Variants in ARL8A observed in about 807,000 individuals in gnomAD.
ARL8A encodes ARF like GTPase 8A.
In ARL8A, 10 loss-of-function variants were observed where a neutral mutation model predicts 31.2. The observed-to-expected ratio is 0.32, with a 90% CI of 0.20 to 0.54. ARL8A has a LOEUF of 0.54. ARL8A is among the 20% of genes least tolerant of loss of function. ARL8A has a pLI of 0.93. For missense variants in ARL8A, 129 were observed against 242.8 expected, an observed-to-expected ratio of 0.53 and a Z score of 3.12; for synonymous variants, 70 against 86.9, an observed-to-expected ratio of 0.81 and a Z score of 1.08.
rs950293480 is a variant in ARL8A at position 202,134,631 on chromosome 1, G to A, written c.512-115C>T. The A allele has an allele frequency of 3.2e-5, 30 of 944,350 alleles. No homozygotes were observed. The highest frequency in any genetic ancestry group is 3.3e-5 in the African/African-American group (2 of 61,528). 58.5% of individuals were successfully genotyped at this position (944,350 alleles called of 1,614,324 possible). A position where few individuals can be genotyped will look rare whatever the true frequency, so the allele number is the denominator to read the frequency against. ...TATCAGAAGTCCAGAGATGCCAGGA[G>A]GGGTGGCGCACACCTGGAGTCTCAG... On this transcript the variant is annotated intron_variant, in intron 6 of 6. Coordinates refer to ENST00000272217, the MANE Select transcript of ARL8A (RefSeq NM_138795.4). This position sits in a 1 kb window ranked among gnomAD's most constrained non-coding sequence, Gnocchi z 4.2.
intron 3 of ARL8A, among the ~76,000 whole-genome samples, chr1:202,137,431 C>T (rs530704343): frequency 1.5e-4 from 23 of 152,220 alleles, no homozygotes; most frequent in African/African-American, 5.5e-4. Flanking sequence ...AGTTCAAGAC[C>T]AGCCTAACCA....
intron 1 of ARL8A, among the ~76,000 whole-genome samples, chr1:202,141,583 A>C (rs571292065): frequency 2.2e-4 from 34 of 151,656 alleles, no homozygotes; most frequent in Admixed American, 2.2e-3. Context: ...CGGAGGTTGC[A>C]GTGAGCCGAG....
chr1:202,140,618 T>C (rs1176295728), intron 1 of ARL8A, among the ~76,000 whole-genome samples: 1 of 152,220 alleles, frequency 6.6e-6, no homozygotes, highest in Non-Finnish European at 1.5e-5. Flanking sequence ...TCTGTGTGTG[T>C]GCAAAGTTTT....
chr1:202,137,215 A>T (rs1245547126), intron 3 of ARL8A, among the ~76,000 whole-genome samples: 1 of 151,916 alleles, frequency 6.6e-6, no homozygotes, highest in African/African-American at 2.4e-5. Context: ...TAAAGACAGG[A>T]TCTTGCTATG....
chr1:202,143,806 G>T (rs776216448), intron 1 of ARL8A, among the ~76,000 whole-genome samples: 12 of 152,184 alleles, frequency 7.9e-5, no homozygotes, highest in Non-Finnish European at 8.8e-5. Context: ...CCAAACTCCC[G>T]TTACCATGCG....
chr1:202,138,585 T>C lies in ARL8A; in HGVS notation c.124-137A>G. 1 of 784,124 alleles carries C rather than the reference T, an allele frequency of 1.3e-6. No homozygotes were observed. Among genetic ancestry groups the C allele is most frequent in the Non-Finnish European group, 2.1e-6 (1 of 480,894 alleles). 48.6% of individuals were successfully genotyped at this position (784,124 alleles called of 1,614,324 possible). A position where few individuals can be genotyped will look rare whatever the true frequency, so the allele number is the denominator to read the frequency against. On this transcript the variant is annotated intron_variant, in intron 1 of 6. Transcript: ENST00000272217. This position sits in a 1 kb window ranked among gnomAD's most constrained non-coding sequence, Gnocchi z 4.4. The stretch of plus-strand genomic sequence containing the variant: ...CACTGTGGGGTACTCTTGCACATCC[T>C]GTGCTTTCAGGCAGGATGGGCTATC...
At chr1:202,140,234 G>C (rs1159509749) in intron 1 of ARL8A, among the ~76,000 whole-genome samples, 1 of 151,064 alleles carries the variant, frequency 6.6e-6, no homozygotes, top group African/African-American at 2.4e-5. Context: ...GGTTCAAGCA[G>C]TTCTCCTGCC....
chr1:202,135,184 G>A lies in ARL8A; in HGVS notation c.477C>T (p.Cys159=). ...LSAIQDREIC[C]YSISCKEKDN... ...CCTTTTCTTTGCAAGAGATGGAGTAGCAGCAGATCTCTCGGTCCTGGATGG... is the reference window on the plus strand; with the variant it reads ...CCTTTTCTTTGCAAGAGATGGAGTAACAGCAGATCTCTCGGTCCTGGATGG... The change falls in exon 6 of 7, where the codon TGC becomes TGT. Residue 159 remains cysteine, a synonymous_variant. Coordinates refer to ENST00000272217, the MANE Select transcript of ARL8A (RefSeq NM_138795.4). This position sits in a 1 kb window ranked among gnomAD's most constrained non-coding sequence, Gnocchi z 5.3. 6.2e-7 allele frequency: 1 copy of A among 1,614,114 alleles called. No homozygotes were observed. The highest frequency in any genetic ancestry group is 8.5e-7 in the Non-Finnish European group (1 of 1,179,986).
At position 202,144,408 on chromosome 1, in the gene ARL8A, C is replaced by A; in HGVS notation, c.123+42G>T. 7 of 1,300,876 alleles carry A rather than the reference C, an allele frequency of 5.4e-6. No individual in the cohort carries two copies. Among genetic ancestry groups the A allele is most frequent in the Non-Finnish European group, 7.0e-6 (7 of 996,486 alleles). The allele number at this position is 1,300,876 out of a possible 1,614,324, so 80.6% of individuals were successfully genotyped here. A position where few individuals can be genotyped will look rare whatever the true frequency, so the allele number is the denominator to read the frequency against. ...GGCGCGGGCGGGGACAGGCCCGACC[C>A]GCGGCCCGCGCCCGGGGACCCCGCG... is the stretch of plus-strand genomic sequence containing the variant. On this transcript the variant is annotated intron_variant, in intron 1 of 6. Coordinates refer to ENST00000272217, the MANE Select transcript of ARL8A (RefSeq NM_138795.4). This position sits in a 1 kb window ranked among gnomAD's most constrained non-coding sequence, Gnocchi z 5.2.
chr1:202,144,574 G>A lies in ARL8A; in HGVS notation c.-2C>T. On this transcript the variant is annotated 5_prime_UTR_variant, in exon 1 of 7. Transcript: ENST00000272217. This position sits in a 1 kb window ranked among gnomAD's most constrained non-coding sequence, Gnocchi z 5.2. ...CAGCTTGTTGAACAAAGCGATCATG[G>A]TCGCTGCCGCCGGCCCCGCCCGGTG... 7.0e-7 allele frequency: 1 copy of A among 1,426,192 alleles called. No homozygotes were observed. The highest frequency in any genetic ancestry group is 9.4e-7 in the Non-Finnish European group (1 of 1,068,690). 88.3% of individuals were successfully genotyped at this position (1,426,192 alleles called of 1,614,324 possible).
intron 1 of ARL8A, among the ~76,000 whole-genome samples, chr1:202,141,642 C>CAAA (rs919925890): frequency 1.0e-4 from 10 of 100,214 alleles, no homozygotes; most frequent in African/African-American, 3.6e-4. Context: ...CACTCTGTCT[C>CAAA]AAAAAAAAAA....
intron 3 of ARL8A, among the ~76,000 whole-genome samples, chr1:202,137,506 A>G (rs963836258): frequency 3.3e-5 from 5 of 152,148 alleles, no homozygotes; most frequent in African/African-American, 1.2e-4. Context: ...GCATGCCTGT[A>G]ATCCCAGCTA....
chr1:202,136,436 C>T (rs545837225), intron 3 of ARL8A, among the ~76,000 whole-genome samples: 4 of 152,208 alleles, frequency 2.6e-5, no homozygotes, highest in Middle Eastern at 3.4e-3. Context: ...CATGCCGCCA[C>T]GCCCGGCTAA....
rs528113535 is a variant in ARL8A at position 202,138,578 on chromosome 1, C to A, written c.124-130G>T. 8.1e-4 allele frequency: 660 copies of A among 812,608 alleles called. 11 individuals carry two copies. The South Asian group carries it at 9.8e-3, about 12-fold the overall frequency. 50.3% of individuals were successfully genotyped at this position (812,608 alleles called of 1,614,324 possible). On this transcript the variant is annotated intron_variant, in intron 1 of 6. Coordinates refer to ENST00000272217, the MANE Select transcript of ARL8A (RefSeq NM_138795.4). The surrounding 1 kb of genome is among the most constrained non-coding windows in gnomAD (Gnocchi z 4.4). ...GACTTCCCACTGTGGGGTACTCTTG[C>A]ACATCCTGTGCTTTCAGGCAGGATG... is the stretch of plus-strand genomic sequence containing the variant.
chr1:202,139,080 C>A (rs1287540859), intron 1 of ARL8A, among the ~76,000 whole-genome samples: 1 of 152,182 alleles, frequency 6.6e-6, no homozygotes, highest in African/African-American at 2.4e-5. Flanking sequence ...TATAGTAACA[C>A]CATTAGTAAA....
In ARL8A at chr1:202,133,580, C is replaced by T. The variant is rs1654921620; in HGVS notation, c.*887G>A. On this transcript the variant is annotated 3_prime_UTR_variant, in exon 7 of 7. Coordinates refer to ENST00000272217, the MANE Select transcript of ARL8A (RefSeq NM_138795.4). ...AAATTAAACAAATAAACAAACAGAA[C>T]CCAAAGAACCAACCCCCCATGCTGA... is the stretch of plus-strand genomic sequence containing the variant. 6.6e-6 allele frequency: 1 copy of T among 152,204 alleles called. No homozygotes were observed. The highest frequency in any genetic ancestry group is 2.4e-5 in the African/African-American group (1 of 41,438). 9.4% of individuals were successfully genotyped at this position (152,204 alleles called of 1,614,324 possible).
In ARL8A at chr1:202,134,401, G is replaced by A. The variant is rs983504546; in HGVS notation, c.*66C>T. Reference sequence around the variant, plus strand: ...TGGGCTTAGGGGGACGACAGGGGTGGGCGGGGAGCTCGGCTTCAGGTTTAG... The same window carrying A: ...TGGGCTTAGGGGGACGACAGGGGTGAGCGGGGAGCTCGGCTTCAGGTTTAG... On this transcript the variant is annotated 3_prime_UTR_variant, in exon 7 of 7. Transcript: ENST00000272217. The surrounding 1 kb of genome is among the most constrained non-coding windows in gnomAD (Gnocchi z 4.2). The A allele has an allele frequency of 6.5e-7, 1 of 1,533,672 alleles. No individual in the cohort carries two copies. The highest frequency in any genetic ancestry group is 1.7e-5 in the Admixed American group (1 of 59,838).
Position 202,134,561 on chromosome 1 carries a change from G to A in ARL8A, c.512-45C>T, listed in dbSNP as rs780288524. The stretch of plus-strand genomic sequence containing the variant: ...CAGCTTATAAGGCCTGCAAGTACTG[G>A]CCGTGCTGGGGCAGCAGAGAGGCCC... On this transcript the variant is annotated intron_variant, in intron 6 of 6. Coordinates refer to ENST00000272217, the MANE Select transcript of ARL8A (RefSeq NM_138795.4). The surrounding 1 kb of genome is among the most constrained non-coding windows in gnomAD (Gnocchi z 4.2). 6.4e-7 allele frequency: 1 copy of A among 1,566,516 alleles called. No homozygotes were observed. The highest frequency in any genetic ancestry group is 1.1e-5 in the South Asian group (1 of 90,098).
intron 1 of ARL8A, among the ~76,000 whole-genome samples, chr1:202,141,360 G>A (rs774227239): frequency 1.6e-4 from 24 of 152,192 alleles, no homozygotes; most frequent in Middle Eastern, 3.4e-3. Flanking sequence ...TTAACAATCC[G>A]GCCGGACATG....
Sources: gnomAD v4.1 joint callset for allele counts (sites outside exome capture counted in the v4.1 genomes callset) on GRCh38, gnomAD v4.1.1 for gene constraint, Gnocchi (gnomAD v3.1) non-coding constraint, MANE v1.5 for transcripts, NCBI Gene and HGNC (gene_info 2026-07-23, HGNC 2026-07-21) for gene names.